LPP: variants seen among roughly 807,000 people sequenced by gnomAD.
LPP encodes the protein lipoma-preferred partner.
A neutral mutation model predicts 60.4 loss-of-function variants in LPP; 38 were observed. That is an observed-to-expected ratio of 0.63 (90% CI 0.49 to 0.83). The LOEUF is 0.83. Among genes scored for constraint, LPP ranks in the 40% least tolerant of loss-of-function variants. The pLI is 0.00. For missense variants in LPP, 902 were observed against 783.6 expected (o/e 1.15, Z -1.80); for synonymous variants, 328 against 290.8 (o/e 1.13, Z -1.30).
intron 9 of LPP, among the ~76,000 whole-genome samples, chr3:188,865,484 G>T (rs1337197926): frequency 6.6e-6 from 1 of 152,192 alleles, no homozygotes; most frequent in Non-Finnish European, 1.5e-5. Context: ...AGCATGCTCT[G>T]TCTCAGTCAT....
intron 9 of LPP, among the ~76,000 whole-genome samples, chr3:188,798,801 A>G (rs1746158428): frequency 6.6e-6 from 1 of 152,236 alleles, no homozygotes; most frequent in Admixed American, 6.5e-5. Context: ...ATAAGAGAAC[A>G]ATGCTAAGAG....
chr3:188,595,654 C>A (rs148632188), intron 6 of LPP, among the ~76,000 whole-genome samples: 1 of 152,070 alleles, frequency 6.6e-6, no homozygotes, highest in Non-Finnish European at 1.5e-5. Flanking sequence ...ATCAAGTAGG[C>A]GCTTTCAGCA....
Position 188,207,649 on chromosome 3 carries a change from A to G in LPP, c.-189-17756A>G, listed in dbSNP as rs573503604. Reference sequence around the variant, plus strand: ...TTTTTTTTTTTTTTTTAAAGATGGGAATCTCACTATGTTTCCCAGGCTGGT... The same window carrying G: ...TTTTTTTTTTTTTTTTAAAGATGGGGATCTCACTATGTTTCCCAGGCTGGT... On this transcript the variant is annotated intron_variant, in intron 1 of 11. Transcript: ENST00000617246. Among the ~76,000 whole-genome samples, 28 of 143,086 alleles carry G rather than the reference A, an allele frequency of 2.0e-4. No homozygotes were observed. The Admixed American group carries it at 2.0e-3, about 10-fold the overall frequency. 93.9% of individuals were successfully genotyped at this position (143,086 alleles called of 152,430 possible). A position where few individuals can be genotyped will look rare whatever the true frequency, so the allele number is the denominator to read the frequency against.
chr3:188,867,340 A>G (rs1257491447), intron 10 of LPP, among the ~76,000 whole-genome samples: 1 of 148,506 alleles, frequency 6.7e-6, no homozygotes, highest in Non-Finnish European at 1.5e-5. Context: ...ATATACATGT[A>G]TATTATTATT....
At chr3:188,602,695 A>G (rs1032167305) in intron 6 of LPP, among the ~76,000 whole-genome samples, 2 of 148,882 alleles carry the variant, frequency 1.3e-5, no homozygotes, top group African/African-American at 2.5e-5. Context: ...TGATATAGAA[A>G]TATTTTTTTA....
chr3:188,524,880 C>CT, intron 6 of LPP, 93 bp downstream of exon 6: 1 of 440,970 alleles, frequency 2.3e-6, no homozygotes, highest in Non-Finnish European at 3.4e-6. Context: ...CTTATTTCCC[C>CT]TTCCTTCCTT....
intron 5 of LPP, among the ~76,000 whole-genome samples, chr3:188,504,531 G>A (rs994229742): frequency 1.3e-5 from 2 of 152,046 alleles, no homozygotes. Flanking sequence ...TTGCATATTT[G>A]AAACTAATAA....
chr3:188,741,754 A>G (rs574219918), intron 8 of LPP, among the ~76,000 whole-genome samples: 2 of 152,130 alleles, frequency 1.3e-5, no homozygotes, highest in South Asian at 4.1e-4. Context: ...AGGAGTATAC[A>G]AAAAACCCCA....
intron 1 of LPP, among the ~76,000 whole-genome samples, chr3:188,175,454 T>C (rs1722803837): frequency 6.6e-6 from 1 of 152,180 alleles, no homozygotes; most frequent in Non-Finnish European, 1.5e-5. Context: ...TGCACATTCA[T>C]TCATTTCACA....
chr3:188,158,463 T>C (rs1479236130), intron 1 of LPP, among the ~76,000 whole-genome samples: 4 of 152,174 alleles, frequency 2.6e-5, no homozygotes, highest in Non-Finnish European at 5.9e-5. Context: ...AGAAAAAGGC[T>C]GGTGCATTCT....
At chr3:188,670,042 G>T (rs898691715) in intron 7 of LPP, among the ~76,000 whole-genome samples, 1 of 152,156 alleles carries the variant, frequency 6.6e-6, no homozygotes, top group Non-Finnish European at 1.5e-5. Flanking sequence ...TCATAGGTGG[G>T]AATTGAACAA....
intron 9 of LPP, among the ~76,000 whole-genome samples, chr3:188,799,337 C>T (rs1214408137): frequency 1.3e-5 from 2 of 152,168 alleles, no homozygotes; most frequent in African/African-American, 4.8e-5. Flanking sequence ...GCGATGGGTA[C>T]AAAACCACTT....
intron 4 of LPP, among the ~76,000 whole-genome samples, chr3:188,453,059 G>A (rs903013743): frequency 6.6e-6 from 1 of 152,032 alleles, no homozygotes; most frequent in Non-Finnish European, 1.5e-5. Flanking sequence ...AACCTCTCTC[G>A]GGTTCTTTGG....
chr3:188,764,131 T>C (rs925683891), intron 9 of LPP, among the ~76,000 whole-genome samples: 17 of 152,192 alleles, frequency 1.1e-4, no homozygotes, highest in Non-Finnish European at 1.5e-5. Context: ...GTTTTGGTTA[T>C]TCTTATAGAT....
chr3:188,291,397 TG>T (rs1440648663), intron 2 of LPP, among the ~76,000 whole-genome samples: 1 of 152,010 alleles, frequency 6.6e-6, no homozygotes, highest in African/African-American at 2.4e-5. Flanking sequence ...CCCAGCACTT[TG>T]GCAGGCCCAG....
intron 4 of LPP, among the ~76,000 whole-genome samples, chr3:188,413,407 T>C (rs1785374938): frequency 6.6e-6 from 1 of 152,148 alleles, no homozygotes; most frequent in Admixed American, 6.5e-5. Context: ...GAGACTGCAG[T>C]TGTAACATCT....
At chr3:188,577,035 C>T (rs1403248372) in intron 6 of LPP, among the ~76,000 whole-genome samples, 6 of 152,132 alleles carry the variant, frequency 3.9e-5, no homozygotes, top group Admixed American at 1.3e-4. Context: ...ATCATACAGA[C>T]GTGTTGTGTA....
At chr3:188,728,205 G>T (rs1014662076) in intron 8 of LPP, among the ~76,000 whole-genome samples, 2 of 152,034 alleles carry the variant, frequency 1.3e-5, no homozygotes, top group African/African-American at 4.8e-5. Context: ...TTAGCTGATG[G>T]AGTGTGCCAT....
At chr3:188,638,907 GA>G (rs1262809680) in intron 7 of LPP, among the ~76,000 whole-genome samples, 1 of 152,156 alleles carries the variant, frequency 6.6e-6, no homozygotes, top group African/African-American at 2.4e-5. Flanking sequence ...TCATGGATAA[GA>G]AGAATCAATA....
Sources: allele counts gnomAD v4.1 joint callset (sites outside exome capture counted in the v4.1 genomes callset), GRCh38; gene constraint gnomAD v4.1.1; transcripts MANE v1.5; gene names NCBI Gene and HGNC (gene_info 2026-07-23, HGNC 2026-07-21).